NCOA1: variants seen among roughly 807,000 people sequenced by gnomAD.
NCOA1 encodes nuclear receptor coactivator 1.
In NCOA1, 35 loss-of-function variants were observed where a neutral mutation model predicts 150.9. That is an observed-to-expected ratio of 0.23 (90% CI 0.18 to 0.31). The LOEUF is 0.31. NCOA1 is among the 10% of genes least tolerant of loss of function. The pLI is 1.00. For missense variants in NCOA1, 1,491 were observed against 1,749.3 expected (o/e 0.85, Z 2.63); for synonymous variants, 590 against 630.0 (o/e 0.94, Z 0.95).
chr2:24,677,640 T>C, intron 7 of NCOA1, among the ~76,000 whole-genome samples: 1 of 152,230 alleles, frequency 6.6e-6, no homozygotes, highest in Admixed American at 6.5e-5. Context: ...GCCAGTCTGG[T>C]CTCGAACTCC....
intron 1 of NCOA1, among the ~76,000 whole-genome samples, chr2:24,562,785 A>G (rs1558796440): frequency 6.6e-6 from 1 of 152,156 alleles, no homozygotes; most frequent in Non-Finnish European, 1.5e-5. Context: ...AGTTGGGGAG[A>G]TGACCAAGAT....
chr2:24,614,199 C>CTTTTTTTTTTTTTTTTTTTT lies in NCOA1; in HGVS notation c.-175+29652_-175+29671dup. ...CCTATTGTATCGATTCATTTCCATT[C>CTTTTTTTTTTTTTTTTTTTT]TTTTTTTTTTTTTTTTTTTTTTTTT... On this transcript the variant is annotated intron_variant, in intron 3 of 22. Transcript: ENST00000348332. Among the ~76,000 whole-genome samples, 85 of 9,176 alleles carry CTTTTTTTTTTTTTTTTTTTT rather than the reference C, an allele frequency of 9.3e-3. 25 individuals carry two copies. Among genetic ancestry groups the CTTTTTTTTTTTTTTTTTTTT allele is most frequent in the South Asian group, 0.012 (2 of 170 alleles). 6.0% of individuals were successfully genotyped at this position (9,176 alleles called of 152,430 possible).
intron 3 of NCOA1, among the ~76,000 whole-genome samples, chr2:24,594,309 C>T (rs1048012712): frequency 1.3e-5 from 2 of 151,990 alleles, no homozygotes; most frequent in Non-Finnish European, 2.9e-5. Flanking sequence ...AATTAGGTAT[C>T]GTTCAACTGA....
intron 2 of NCOA1, among the ~76,000 whole-genome samples, chr2:24,567,687 T>A (rs1182521265): frequency 1.3e-5 from 2 of 152,200 alleles, no homozygotes; most frequent in African/African-American, 4.8e-5. Flanking sequence ...TGCTAATTGG[T>A]TGTATAAAAG....
intron 1 of NCOA1, among the ~76,000 whole-genome samples, chr2:24,524,437 A>G (rs971652282): frequency 1.3e-5 from 2 of 150,702 alleles, no homozygotes; most frequent in African/African-American, 4.9e-5. Flanking sequence ...GGGACTACAG[A>G]TGTGTACCAC....
At chr2:24,554,958 A>G (rs760576407) in intron 1 of NCOA1, among the ~76,000 whole-genome samples, 3 of 152,158 alleles carry the variant, frequency 2.0e-5, no homozygotes, top group Non-Finnish European at 2.9e-5. Context: ...TGAAGCGTCT[A>G]CGTTGTCTGG....
chr2:24,551,855 T>C (rs1464279588), intron 1 of NCOA1, among the ~76,000 whole-genome samples: 1 of 152,210 alleles, frequency 6.6e-6, no homozygotes, highest in Non-Finnish European at 1.5e-5. Flanking sequence ...TTTTTGTTTT[T>C]GTTTTGGCAT....
At chr2:24,631,819 G>T (rs1294308613) in intron 3 of NCOA1, among the ~76,000 whole-genome samples, 2 of 152,136 alleles carry the variant, frequency 1.3e-5, no homozygotes, top group African/African-American at 2.4e-5. Context: ...CATAGGCCTT[G>T]CTGCCTATTG....
chr2:24,555,394 G>C (rs1210019351), intron 1 of NCOA1, among the ~76,000 whole-genome samples: 1 of 152,094 alleles, frequency 6.6e-6, no homozygotes, highest in African/African-American at 2.4e-5. Flanking sequence ...GGTCCATGTT[G>C]GTGAATATTC....
chr2:24,762,158 G>T (rs1664822946), intron 21 of NCOA1, among the ~76,000 whole-genome samples: 1 of 152,262 alleles, frequency 6.6e-6, no homozygotes, highest in Non-Finnish European at 1.5e-5. Context: ...AGTAGGCTGG[G>T]CGGTTGCCAC....
intron 3 of NCOA1, among the ~76,000 whole-genome samples, chr2:24,621,933 T>C (rs1384741900): frequency 6.6e-6 from 1 of 152,216 alleles, no homozygotes; most frequent in African/African-American, 2.4e-5. Context: ...GACCGTATAC[T>C]GTTAGCTGAC....
At chr2:24,690,958 T>C (rs1672642268) in intron 8 of NCOA1, among the ~76,000 whole-genome samples, 2 of 152,088 alleles carry the variant, frequency 1.3e-5, no homozygotes, top group South Asian at 4.1e-4. Flanking sequence ...TATGAGAAAT[T>C]GAGATTGCGC....
At chr2:24,591,418 C>CT (rs1667652558) in intron 3 of NCOA1, among the ~76,000 whole-genome samples, 1 of 152,128 alleles carries the variant, frequency 6.6e-6, no homozygotes, top group South Asian at 2.1e-4. Context: ...AAAATTGTAT[C>CT]TTTCTTATAG....
rs528390392 is a variant in NCOA1 at position 24,712,254 on chromosome 2, G to A, written c.2599+1143G>A. 5.9e-5 allele frequency among the ~76,000 whole-genome samples: 9 copies of A among 152,346 alleles called. No individual in the cohort carries two copies. In the East Asian group the frequency reaches 1.7e-3, roughly 29 times the overall value. On this transcript the variant is annotated intron_variant, in intron 14 of 22. Coordinates refer to ENST00000348332, the MANE Select transcript of NCOA1 (RefSeq NM_003743.5). ...GAAAGTTTCTTCTAATAGAAGCAGT[G>A]AGGCTCTAGACTGGAATGTCAGTCA...
At chr2:24,657,608 A>T (rs1331901215) in intron 4 of NCOA1, among the ~76,000 whole-genome samples, 2 of 152,194 alleles carry the variant, frequency 1.3e-5, no homozygotes, top group African/African-American at 4.8e-5. Context: ...ATCTTCAGAA[A>T]AGGGCTAGAA....
In NCOA1 at chr2:24,691,233, T is replaced by C. The variant is rs182188943; in HGVS notation, c.533-248T>C. ...AATTTTTAATTTTTGCCTTTGATTA[T>C]AGTATTTGAGGGGAAGATCATACGT... On this transcript the variant is annotated intron_variant, in intron 8 of 22. Coordinates refer to ENST00000348332, the MANE Select transcript of NCOA1 (RefSeq NM_003743.5). 2.3e-3 allele frequency among the ~76,000 whole-genome samples: 348 copies of C among 152,344 alleles called. 1 individual carries two copies. Among genetic ancestry groups the C allele is most frequent in the South Asian group, 3.9e-3 (19 of 4,830 alleles).
intron 3 of NCOA1, among the ~76,000 whole-genome samples, chr2:24,642,728 A>G (rs960142408): frequency 6.6e-6 from 1 of 152,194 alleles, no homozygotes; most frequent in Non-Finnish European, 1.5e-5. Flanking sequence ...CACAACCCAA[A>G]TGCACTTTAA....
intron 6 of NCOA1, among the ~76,000 whole-genome samples, chr2:24,668,586 A>G (rs922487658): frequency 6.6e-6 from 1 of 152,164 alleles, no homozygotes; most frequent in African/African-American, 2.4e-5. Flanking sequence ...TCTCAAAGGT[A>G]TTACCTCCAG....
intron 1 of NCOA1, among the ~76,000 whole-genome samples, chr2:24,555,117 T>C (rs972726520): frequency 6.6e-6 from 1 of 152,180 alleles, no homozygotes; most frequent in Non-Finnish European, 1.5e-5. Context: ...GAGAGGGGAC[T>C]TCCGAGAGGA....
Sources: allele counts gnomAD v4.1 joint callset (sites outside exome capture counted in the v4.1 genomes callset), GRCh38; gene constraint gnomAD v4.1.1; transcripts MANE v1.5; gene names NCBI Gene and HGNC (gene_info 2026-07-23, HGNC 2026-07-21).